PECAM1: variants seen among roughly 807,000 people sequenced by gnomAD.
The protein encoded by PECAM1 is platelet endothelial cell adhesion molecule.
PECAM1 carries 8 observed loss-of-function variants against 13.8 expected under a neutral mutation model. That is an observed-to-expected ratio of 0.58 (90% CI 0.34 to 1.05). The LOEUF is 1.05. PECAM1 is among the 50% of genes least tolerant of loss of function. The pLI is 0.03. For missense variants in PECAM1, 304 were observed against 141.2 expected, an observed-to-expected ratio of 2.15 and a Z score of -5.84; for synonymous variants, 136 against 52.6, an observed-to-expected ratio of 2.58 and a Z score of -6.86.
At chr17:64,352,355 G>A (rs1313793258) in intron 11 of PECAM1, 35 bp downstream of exon 11, 1 of 473,888 alleles carries the variant, frequency 2.1e-6, no homozygotes, top group Non-Finnish European at 3.9e-6. Flanking sequence ...AGCAAGTTGG[G>A]GGAAATTAGA....
intron 13 of PECAM1, among the ~76,000 whole-genome samples, chr17:64,342,424 G>C (rs2035457358): frequency 6.6e-6 from 1 of 152,130 alleles, no homozygotes; most frequent in Admixed American, 6.5e-5. Flanking sequence ...TCACCTGAGA[G>C]CCCAGACCCC....
intron 12 of PECAM1, among the ~76,000 whole-genome samples, chr17:64,349,229 T>C (rs1368093256): frequency 6.6e-6 from 1 of 152,176 alleles, no homozygotes; most frequent in Non-Finnish European, 1.5e-5. Flanking sequence ...CATTACTGTT[T>C]TGTTTTTAAA....
rs550919234 is a variant in PECAM1, at chr17:64,319,657, T to C, written c.*4159A>G. 7.2e-5 allele frequency: 11 copies of C among 152,254 alleles called. No homozygotes were observed. Among genetic ancestry groups the C allele is most frequent in the African/African-American group, 2.4e-4 (10 of 41,524 alleles). 9.4% of individuals were successfully genotyped at this position (152,254 alleles called of 1,614,324 possible). A position where few individuals can be genotyped will look rare whatever the true frequency, so the allele number is the denominator to read the frequency against. ...CACTTGGAAGGGGTCGCATGCACAG[T>C]GTGATTACTGAAGTTGCGCGCATGC... On this transcript the variant is annotated 3_prime_UTR_variant, in exon 16 of 16. Coordinates refer to ENST00000563924, the MANE Select transcript of PECAM1 (RefSeq NM_000442.5).
At chr17:64,354,487 C>T (rs1211924550) in intron 9 of PECAM1, among the ~76,000 whole-genome samples, 2 of 152,196 alleles carry the variant, frequency 1.3e-5, no homozygotes, top group South Asian at 2.1e-4. Flanking sequence ...TTTACTGATG[C>T]TCTGCCCTTT....
At chr17:64,333,023 C>T (rs2331554) in intron 14 of PECAM1, among the ~76,000 whole-genome samples, 11,808 of 152,164 alleles carry the variant, frequency 0.078, 523 homozygotes, top group Non-Finnish European at 0.11. Flanking sequence ...CGTGGTGGTG[C>T]ATGCCTCCAA....
chr17:64,326,521 C>T (rs1261893342), intron 15 of PECAM1, among the ~76,000 whole-genome samples: 16 of 152,202 alleles, frequency 1.1e-4, no homozygotes, highest in South Asian at 4.1e-4. Flanking sequence ...GGCCTGCCAG[C>T]GCCGGCAGCC....
chr17:64,321,378 G>C lies in PECAM1; in HGVS notation c.*2438C>G. 1.0e-6 allele frequency: 1 copy of C among 955,260 alleles called. No individual in the cohort carries two copies. The highest frequency in any genetic ancestry group is 1.2e-4 in the East Asian group (1 of 8,666). The allele number at this position is 955,260 out of a possible 1,614,324, so 59.2% of individuals were successfully genotyped here. Reference sequence around the variant, plus strand: ...GTCCTGGATTCAGACAGACCTTTTAGCCATTAAATCCACTAAGAAAGATCC... The same window carrying C: ...GTCCTGGATTCAGACAGACCTTTTACCCATTAAATCCACTAAGAAAGATCC... On this transcript the variant is annotated 3_prime_UTR_variant, in exon 16 of 16. Transcript: ENST00000563924.
intron 2 of PECAM1, among the ~76,000 whole-genome samples, chr17:64,380,187 C>T (rs948970500): frequency 7.9e-5 from 12 of 151,560 alleles, no homozygotes; most frequent in South Asian, 2.1e-4. Flanking sequence ...CAAAATTAGC[C>T]GGGTGTGGTA....
intron 2 of PECAM1, among the ~76,000 whole-genome samples, chr17:64,383,728 T>C (rs1196884215): frequency 6.6e-6 from 1 of 152,208 alleles, no homozygotes; most frequent in Non-Finnish European, 1.5e-5. Flanking sequence ...AAAGCAAATT[T>C]GGCTAATGCA....
intron 14 of PECAM1, among the ~76,000 whole-genome samples, chr17:64,334,923 G>A (rs990395704): frequency 8.5e-5 from 13 of 152,102 alleles, no homozygotes; most frequent in African/African-American, 3.1e-4. Flanking sequence ...TTTCTGGAGG[G>A]TGAGAAAGAC....
chr17:64,351,533 T>C (rs1280209931), intron 11 of PECAM1, among the ~76,000 whole-genome samples: 2 of 152,002 alleles, frequency 1.3e-5, no homozygotes, highest in Non-Finnish European at 2.9e-5. Context: ...GAAACCAGCA[T>C]TGGTAGAGTG....
intron 2 of PECAM1, among the ~76,000 whole-genome samples, chr17:64,387,708 C>G (rs929681349): frequency 1.3e-5 from 2 of 151,996 alleles, no homozygotes; most frequent in African/African-American, 4.8e-5. Flanking sequence ...GCAGCCAGGC[C>G]CAGGCGGGAA....
At chr17:64,361,557 C>A (rs1423917932) in intron 6 of PECAM1, among the ~76,000 whole-genome samples, 1 of 151,676 alleles carries the variant, frequency 6.6e-6, no homozygotes. Flanking sequence ...ACTTTAAGAC[C>A]AGCCTGACCA....
At chr17:64,354,891 C>T (rs2035813661) in intron 9 of PECAM1, 42 bp downstream of exon 9, 3 of 474,406 alleles carry the variant, frequency 6.3e-6, no homozygotes, top group Non-Finnish European at 1.2e-5. Flanking sequence ...GGTTTCCTGG[C>T]AAGGACGACC....
At chr17:64,343,780 GC>G (rs2035491024) in intron 13 of PECAM1, among the ~76,000 whole-genome samples, 2 of 152,176 alleles carry the variant, frequency 1.3e-5, no homozygotes, top group African/African-American at 4.8e-5. Flanking sequence ...CAGCAGAGAT[GC>G]CCACACACCC....
chr17:64,329,702 A>C lies in PECAM1; in HGVS notation c.2185T>G (p.Ser729Ala), dbSNP rs782168253. 1 of 768,252 alleles carries C rather than the reference A, an allele frequency of 1.3e-6. No homozygotes were observed. Among genetic ancestry groups the C allele is most frequent in the South Asian group, 1.4e-5 (1 of 72,468 alleles). 47.6% of individuals were successfully genotyped at this position (768,252 alleles called of 1,614,324 possible). ...AVPDAVESRY[S>A]RTEGSLDGT ...ATGTATATGAAATGTGTACTTACAGAGTATCTGCTTTCCACGGCATCTACA... is the reference window on the plus strand; with the variant it reads ...ATGTATATGAAATGTGTACTTACAGCGTATCTGCTTTCCACGGCATCTACA... The change falls in exon 15 of 16, where the codon TCT becomes GCT. Residue 729 changes from serine (S) to alanine (A), a missense_variant and splice_region_variant. Ser to Ala is a moderately conservative substitution (Grantham distance 99). Coordinates refer to ENST00000563924, the MANE Select transcript of PECAM1 (RefSeq NM_000442.5).
chr17:64,386,751 A>G (rs1256633316), intron 2 of PECAM1, among the ~76,000 whole-genome samples: 1 of 152,158 alleles, frequency 6.6e-6, no homozygotes, highest in African/African-American at 2.4e-5. Context: ...GGGCAACAAA[A>G]TGAGACCCCA....
chr17:64,343,087 G>A (rs2035475097), intron 13 of PECAM1, among the ~76,000 whole-genome samples: 1 of 152,140 alleles, frequency 6.6e-6, no homozygotes, highest in African/African-American at 2.4e-5. Context: ...ATGTCGTGTG[G>A]GCCACTGTTC....
chr17:64,335,274 T>C (rs2035248527), intron 14 of PECAM1, among the ~76,000 whole-genome samples: 1 of 152,028 alleles, frequency 6.6e-6, no homozygotes, highest in East Asian at 1.9e-4. Context: ...ACTCTTCATG[T>C]TTAAAGTAGA....
Sources: gnomAD v4.1 joint callset for allele counts (sites outside exome capture counted in the v4.1 genomes callset) on GRCh38, gnomAD v4.1.1 for gene constraint, MANE v1.5 for transcripts, NCBI Gene and HGNC (gene_info 2026-07-23, HGNC 2026-07-21) for gene names.